SNTG2: variants seen among roughly 807,000 people sequenced by gnomAD.
The protein encoded by SNTG2 is syntrophin gamma 2.
SNTG2 carries 74 observed loss-of-function variants against 70.9 expected under a neutral mutation model. The ratio of observed to expected loss-of-function variants is 1.04; its 90% CI spans 0.86 to 1.27. The LOEUF (loss-of-function observed/expected upper bound fraction) is 1.27. SNTG2 is among the 50% of genes most tolerant of loss of function. SNTG2 has a pLI of 0.00. For missense variants in SNTG2, 717 were observed against 690.7 expected, an observed-to-expected ratio of 1.04 and a Z score of -0.43; for synonymous variants, 278 against 273.8, an observed-to-expected ratio of 1.02 and a Z score of -0.15.
rs1179061159 is a variant in SNTG2, at chr2:973,230, A to T, written c.72+22162A>T. On this transcript the variant is annotated intron_variant, in intron 1 of 16. Transcript: ENST00000308624. ...AGAACATCCTTTAGCATTTCTTGTG[A>T]TGCTGATCTGTTGCCAGTGAATTCT... 2.0e-5 allele frequency among the ~76,000 whole-genome samples: 3 copies of T among 152,198 alleles called. No individual in the cohort carries two copies. The East Asian group carries it at 5.8e-4, about 29-fold the overall frequency.
intron 1 of SNTG2, among the ~76,000 whole-genome samples, chr2:984,589 G>A (rs934490523): frequency 6.6e-6 from 1 of 152,132 alleles, no homozygotes; most frequent in African/African-American, 2.4e-5. Flanking sequence ...CCACTCTGTG[G>A]CCTCACCTGT....
chr2:951,208 G>C, intron 1 of SNTG2, 140 bp downstream of exon 1: 1 of 425,592 alleles, frequency 2.3e-6, no homozygotes, highest in Non-Finnish European at 3.9e-6. Context: ...GCTGGCCGGA[G>C]GGTGGGCGCC....
At chr2:1,297,125 A>G (rs971566437) in intron 14 of SNTG2, among the ~76,000 whole-genome samples, 5 of 152,048 alleles carry the variant, frequency 3.3e-5, no homozygotes, top group Admixed American at 6.6e-5. Context: ...TCTACTGGAA[A>G]CCTGCATTCC....
At chr2:1,224,000 GGGT>G (rs1224659966) in intron 9 of SNTG2, among the ~76,000 whole-genome samples, 2 of 149,850 alleles carry the variant, frequency 1.3e-5, no homozygotes, top group Non-Finnish European at 2.9e-5. Flanking sequence ...TGCAAGTGCA[GGGT>G]CAGGTGGTCA....
At chr2:1,100,353 G>A (rs1043068351) in intron 4 of SNTG2, among the ~76,000 whole-genome samples, 1 of 152,090 alleles carries the variant, frequency 6.6e-6, no homozygotes, top group African/African-American at 2.4e-5. Flanking sequence ...TTTTAGTAGA[G>A]GCGGGGGTCT....
chr2:972,860 C>T (rs770229493), intron 1 of SNTG2, among the ~76,000 whole-genome samples: 1 of 152,180 alleles, frequency 6.6e-6, no homozygotes, highest in African/African-American at 2.4e-5. Flanking sequence ...GCTTCCTGTA[C>T]AGCCTGCAGA....
intron 1 of SNTG2, among the ~76,000 whole-genome samples, chr2:1,061,555 A>G (rs920147217): frequency 6.6e-6 from 1 of 152,204 alleles, no homozygotes; most frequent in African/African-American, 2.4e-5. Flanking sequence ...CTCTTCTGTA[A>G]TGCAACCCAC....
intron 8 of SNTG2, among the ~76,000 whole-genome samples, chr2:1,174,458 A>T (rs1296549378): frequency 1.3e-5 from 2 of 152,120 alleles, no homozygotes; most frequent in Admixed American, 1.3e-4. Context: ...GCCTGTGGAC[A>T]CTTTGCCTTT....
intron 1 of SNTG2, among the ~76,000 whole-genome samples, chr2:1,060,759 T>C (rs574716465): frequency 6.6e-6 from 1 of 152,362 alleles, no homozygotes; most frequent in Non-Finnish European, 1.5e-5. Context: ...AAGCTGTACT[T>C]GTAGTTAGAT....
At chr2:1,085,087 G>A (rs577694142) in intron 2 of SNTG2, among the ~76,000 whole-genome samples, 2 of 152,148 alleles carry the variant, frequency 1.3e-5, no homozygotes, top group East Asian at 1.9e-4. Flanking sequence ...TTTTTTCCCC[G>A]ACATGTAGAT....
At chr2:1,054,704 A>G (rs1173321635) in intron 1 of SNTG2, among the ~76,000 whole-genome samples, 1 of 152,190 alleles carries the variant, frequency 6.6e-6, no homozygotes, top group Non-Finnish European at 1.5e-5. Flanking sequence ...TCTTTTCCCC[A>G]GACCTTGGAT....
At chr2:984,010 G>A (rs937724004) in intron 1 of SNTG2, among the ~76,000 whole-genome samples, 5 of 152,188 alleles carry the variant, frequency 3.3e-5, no homozygotes, top group African/African-American at 7.2e-5. Context: ...TGAAAGAGCT[G>A]TGGGCACACC....
At chr2:1,167,704 C>T (rs1244130990) in intron 7 of SNTG2, among the ~76,000 whole-genome samples, 4 of 78,442 alleles carry the variant, frequency 5.1e-5, no homozygotes, top group African/African-American at 5.1e-5. Flanking sequence ...CGCCCACAGA[C>T]GGCAGAACTG....
chr2:1,225,930 G>A (rs1442775287), intron 9 of SNTG2, among the ~76,000 whole-genome samples: 3 of 151,814 alleles, frequency 2.0e-5, no homozygotes, highest in Non-Finnish European at 4.4e-5. Context: ...AACACCAGCC[G>A]TGTATTCAGT....
chr2:1,171,655 A>T (rs917342540), intron 7 of SNTG2, among the ~76,000 whole-genome samples: 2 of 152,210 alleles, frequency 1.3e-5, no homozygotes, highest in African/African-American at 4.8e-5. Flanking sequence ...AAAGTTCTTC[A>T]TCTAGTAAAA....
intron 16 of SNTG2, among the ~76,000 whole-genome samples, chr2:1,339,613 T>G (rs1436326792): frequency 6.6e-6 from 1 of 152,226 alleles, no homozygotes; most frequent in East Asian, 1.9e-4. Context: ...GTGGAAGCCT[T>G]GTCACATCTC....
In SNTG2 at chr2:1,182,606, A is replaced by G. The variant is rs1671991465; in HGVS notation, c.591+9423A>G. Among the ~76,000 whole-genome samples the G allele has an allele frequency of 2.0e-5, 3 of 152,216 alleles. No homozygotes were observed. In the South Asian group the frequency reaches 6.2e-4, roughly 32 times the overall value. On this transcript the variant is annotated intron_variant, in intron 8 of 16. Transcript: ENST00000308624. ...GCCTCCCAGGCAGAGATAGCAAATG[A>G]CCTTGCACATTTAATTGATGTACAA...
At chr2:1,295,741 C>T (rs1034347378) in intron 14 of SNTG2, among the ~76,000 whole-genome samples, 2 of 151,346 alleles carry the variant, frequency 1.3e-5, no homozygotes, top group African/African-American at 4.9e-5. Context: ...ACGTCACCAT[C>T]GATGGCTTCC....
Position 1,109,885 on chromosome 2 carries a change from G to A in SNTG2, c.325+11475G>A, listed in dbSNP as rs576467291. ...AGAAAGGAAGGGGTGTTTTGTCCCC[G>A]AAAGAAAGGCAAGACGAACGCGAAC... On this transcript the variant is annotated intron_variant, in intron 4 of 16. Coordinates refer to ENST00000308624, the MANE Select transcript of SNTG2 (RefSeq NM_018968.4). Among the ~76,000 whole-genome samples the A allele has an allele frequency of 1.1e-3, 167 of 152,266 alleles. 3 individuals carry two copies. Among genetic ancestry groups the A allele is most frequent in the African/African-American group, 3.9e-3 (160 of 41,532 alleles).
Sources: allele counts gnomAD v4.1 joint callset (sites outside exome capture counted in the v4.1 genomes callset), GRCh38; gene constraint gnomAD v4.1.1; transcripts MANE v1.5; gene names NCBI Gene and HGNC (gene_info 2026-07-23, HGNC 2026-07-21).